The following ACTR10 variants were observed in gnomAD, a reference collection of about 807,000 sequenced individuals.
The protein encoded by ACTR10 is actin-related protein 10.
A neutral mutation model predicts 56.2 loss-of-function variants in ACTR10; 43 were observed. The observed-to-expected ratio is 0.77, with a 90% CI of 0.60 to 0.99. The LOEUF (loss-of-function observed/expected upper bound fraction) is 0.99, where lower values mean the gene tolerates loss of function less well. Among genes scored for constraint, ACTR10 ranks in the 50% least tolerant of loss-of-function variants. ACTR10 has a pLI of 0.00. For missense variants in ACTR10, 466 were observed against 507.8 expected (o/e 0.92, Z 0.79); for synonymous variants, 170 against 176.3 (o/e 0.96, Z 0.28).
rs35498207 is a variant in ACTR10, at chr14:58,228,681, CTTTTTTTTTTTTTTTTTTT to C, written c.789-1698_789-1680del. On this transcript the variant is annotated intron_variant, in intron 10 of 12. Coordinates refer to ENST00000254286, the MANE Select transcript of ACTR10 (RefSeq NM_018477.3). ...TAACTACATCTAGTTGCAAGACAGA[CTTTTTTTTTTTTTTTTTTT>C]TTTTTTTTTTTTTTTTTTTAAAGAG... 1.1e-3 allele frequency among the ~76,000 whole-genome samples: 43 copies of C among 40,788 alleles called. 1 individual carries two copies. In the South Asian group the frequency reaches 0.014, roughly 13 times the overall value. The allele number at this position is 40,788 out of a possible 152,430, so 26.8% of individuals were successfully genotyped here.
In ACTR10 at chr14:58,235,570, T is replaced by C. The variant is rs1179083532; in HGVS notation, c.*1019T>C. 2.0e-5 allele frequency: 3 copies of C among 152,372 alleles called. No homozygotes were observed. The highest frequency in any genetic ancestry group is 1.9e-4 in the East Asian group (1 of 5,188). The allele number at this position is 152,372 out of a possible 1,614,324, so 9.4% of individuals were successfully genotyped here. On this transcript the variant is annotated 3_prime_UTR_variant, in exon 13 of 13. Transcript: ENST00000254286. ...TCTCAGGGCAGAGGTTCTTGAAATA[T>C]GTACTCAATCATTTAACTTTTATTT...
intron 12 of ACTR10, among the ~76,000 whole-genome samples, chr14:58,232,910 C>T (rs1159089595): frequency 6.7e-6 from 1 of 148,874 alleles, no homozygotes; most frequent in Non-Finnish European, 1.5e-5. Flanking sequence ...CTTTGTTGCC[C>T]GTCCAGCTGG....
At chr14:58,218,084 CTT>C (rs1273293818) in intron 7 of ACTR10, among the ~76,000 whole-genome samples, 1 of 152,170 alleles carries the variant, frequency 6.6e-6, no homozygotes, top group Non-Finnish European at 1.5e-5. Context: ...AAATTAAACT[CTT>C]TATTTCCAGG....
chr14:58,202,161 A>G (rs978910349), intron 1 of ACTR10, among the ~76,000 whole-genome samples: 4 of 152,188 alleles, frequency 2.6e-5, no homozygotes, highest in Non-Finnish European at 2.9e-5. Flanking sequence ...CCAATATGGA[A>G]GCTAACAATA....
At position 58,234,592 on chromosome 14, in the gene ACTR10, T is replaced by C. The variant is rs761271907; in HGVS notation, c.*41T>C. The C allele has an allele frequency of 2.6e-6, 4 of 1,565,066 alleles. No homozygotes were observed. In the Admixed American group the frequency reaches 7.2e-5, roughly 28 times the overall value. On this transcript the variant is annotated 3_prime_UTR_variant, in exon 13 of 13. Coordinates refer to ENST00000254286, the MANE Select transcript of ACTR10 (RefSeq NM_018477.3). ...TCAACCTTGCTTCATATCAAATATT[T>C]AACCAATTATAAGCAAATTGTACAA... is the stretch of plus-strand genomic sequence containing the variant.
chr14:58,203,786 C>A (rs1458454388), intron 2 of ACTR10, among the ~76,000 whole-genome samples: 3 of 152,110 alleles, frequency 2.0e-5, no homozygotes, highest in Non-Finnish European at 4.4e-5. Flanking sequence ...TTAGAAATTA[C>A]AACCAGTAGA....
chr14:58,219,671 T>C, intron 7 of ACTR10, 23 bp from the exon 8 acceptor site: 1 of 1,419,678 alleles, frequency 7.0e-7, no homozygotes, highest in South Asian at 1.4e-5. Flanking sequence ...GTTTTATAAT[T>C]CTAAATGAAA....
intron 7 of ACTR10, 24 bp from the exon 8 acceptor site, chr14:58,219,670 T>A: frequency 7.1e-7 from 1 of 1,415,986 alleles, no homozygotes; most frequent in Non-Finnish European, 9.4e-7. Flanking sequence ...AGTTTTATAA[T>A]TCTAAATGAA....
intron 10 of ACTR10, among the ~76,000 whole-genome samples, chr14:58,226,993 G>T (rs1371786386): frequency 6.6e-6 from 1 of 152,072 alleles, no homozygotes; most frequent in East Asian, 1.9e-4. Context: ...GCAAAAAAAG[G>T]GTTATTTAAA....
At chr14:58,222,463 G>A (rs903476458) in intron 8 of ACTR10, among the ~76,000 whole-genome samples, 1 of 152,070 alleles carries the variant, frequency 6.6e-6, no homozygotes, top group African/African-American at 2.4e-5. Flanking sequence ...GCAACTAAGA[G>A]CAAAATTTGG....
chr14:58,231,781 C>T (rs1474619365), intron 11 of ACTR10, among the ~76,000 whole-genome samples: 1 of 152,182 alleles, frequency 6.6e-6, no homozygotes, highest in Non-Finnish European at 1.5e-5. Flanking sequence ...AGAACACTCA[C>T]ATATGCCCTA....
rs1334307140 is a variant in ACTR10, at chr14:58,235,433, A to G, written c.*882A>G. ...TTTTAACTTTACAGTTTTTTTAATG[A>G]GCAATTCTACATTTCTAAGAAAAAA... On this transcript the variant is annotated 3_prime_UTR_variant, in exon 13 of 13. Coordinates refer to ENST00000254286, the MANE Select transcript of ACTR10 (RefSeq NM_018477.3). The G allele has an allele frequency of 6.6e-6, 1 of 152,176 alleles. No homozygotes were observed. The highest frequency in any genetic ancestry group is 1.9e-4 in the East Asian group (1 of 5,198). The allele number at this position is 152,176 out of a possible 1,614,324, so 9.4% of individuals were successfully genotyped here. A position where few individuals can be genotyped will look rare whatever the true frequency, so the allele number is the denominator to read the frequency against.
At chr14:58,211,853 T>A (rs1360379684) in intron 5 of ACTR10, among the ~76,000 whole-genome samples, 1 of 150,518 alleles carries the variant, frequency 6.6e-6, no homozygotes, top group Non-Finnish European at 1.5e-5. Flanking sequence ...GACAGGAGAG[T>A]GGCGTGAACC....
Position 58,219,714 on chromosome 14 carries a change from T to C in ACTR10, c.619T>C (p.Leu207=). Residue 207 remains leucine (L), a synonymous_variant, in exon 8 of 13, where the codon TTA becomes CTA. Coordinates refer to ENST00000254286, the MANE Select transcript of ACTR10 (RefSeq NM_018477.3). ...TTTAGGTTCAGTTCCGGAAGGTGTC[T>C]TAGAGGACATTAAAGGTAAACTAAG... ...SVMGSVPEGV[L]EDIKARTCFV... 6.5e-7 allele frequency: 1 copy of C among 1,527,238 alleles called. No homozygotes were observed. The highest frequency in any genetic ancestry group is 2.0e-4 in the Middle Eastern group (1 of 5,098). The allele number at this position is 1,527,238 out of a possible 1,614,324, so 94.6% of individuals were successfully genotyped here.
chr14:58,203,915 T>A (rs1888790627), intron 2 of ACTR10, among the ~76,000 whole-genome samples: 1 of 152,058 alleles, frequency 6.6e-6, no homozygotes, highest in Non-Finnish European at 1.5e-5. Flanking sequence ...GGTACATTTT[T>A]AAAAAACAAA....
intron 10 of ACTR10, among the ~76,000 whole-genome samples, chr14:58,226,145 T>C (rs1019710672): frequency 2.6e-5 from 4 of 152,148 alleles, no homozygotes; most frequent in Admixed American, 2.0e-4. Flanking sequence ...TACACATCTA[T>C]AGTCCTAGCC....
intron 10 of ACTR10, among the ~76,000 whole-genome samples, chr14:58,226,402 C>T (rs1397182683): frequency 6.7e-6 from 1 of 150,054 alleles, no homozygotes; most frequent in African/African-American, 2.5e-5. Flanking sequence ...GAGCCACCGC[C>T]CTGGGCTCCC....
chr14:58,223,232 G>A (rs1286359732), intron 8 of ACTR10, among the ~76,000 whole-genome samples: 2 of 152,138 alleles, frequency 1.3e-5, no homozygotes, highest in Admixed American at 6.6e-5. Context: ...CACCTCCCGG[G>A]TTCAAGCAAT....
At position 58,232,272 on chromosome 14, in the gene ACTR10, G is replaced by C; in HGVS notation, c.1072+5G>C. 1 of 1,608,322 alleles carries C rather than the reference G, an allele frequency of 6.2e-7. No homozygotes were observed. The highest frequency in any genetic ancestry group is 2.2e-5 in the East Asian group (1 of 44,798). On this transcript the variant is annotated splice_donor_5th_base_variant and intron_variant, in intron 12 of 12. Transcript: ENST00000254286. ...ATTGTGTGGCCTGGTTGGGAGGTAAGAATTTCACTTTTAAAATATAATGAT... is the reference window on the plus strand; with the variant it reads ...ATTGTGTGGCCTGGTTGGGAGGTAACAATTTCACTTTTAAAATATAATGAT...
Sources: gnomAD v4.1 joint callset for allele counts (sites outside exome capture counted in the v4.1 genomes callset) on GRCh38, gnomAD v4.1.1 for gene constraint, MANE v1.5 for transcripts, NCBI Gene and HGNC (gene_info 2026-07-23, HGNC 2026-07-21) for gene names.